Variants in DCLK2 observed in about 807,000 individuals in gnomAD.
DCLK2 encodes the protein doublecortin like kinase 2.
DCLK2 carries 31 observed loss-of-function variants against 78.4 expected under a neutral mutation model. That is an observed-to-expected ratio of 0.40 (90% confidence interval 0.30 to 0.53). The LOEUF is 0.53. Among genes scored for constraint, DCLK2 ranks in the 20% least tolerant of loss-of-function variants. The pLI, the probability that DCLK2 is intolerant of heterozygous loss-of-function variation, is 0.61. For missense variants in DCLK2, 872 were observed against 973.7 expected (o/e 0.90, Z 1.39); for synonymous variants, 407 against 374.9 (o/e 1.09, Z -0.99).
chr4:150,098,828 T>A (rs1730666131), intron 1 of DCLK2, among the ~76,000 whole-genome samples: 1 of 151,862 alleles, frequency 6.6e-6, no homozygotes, highest in African/African-American at 2.4e-5. Flanking sequence ...ACTGAGTAGC[T>A]GGGATTACAG....
intron 2 of DCLK2, among the ~76,000 whole-genome samples, chr4:150,189,242 C>A (rs371340674): frequency 9.9e-5 from 15 of 151,224 alleles, no homozygotes; most frequent in Admixed American, 6.6e-5. Context: ...TTTATTTGGC[C>A]AAAAAAAATA....
chr4:150,191,227 T>C (rs6535719), intron 2 of DCLK2, among the ~76,000 whole-genome samples: 133,352 of 151,968 alleles, frequency 0.88, 58,888 homozygotes, highest in Middle Eastern at 0.96. Context: ...AAGACAGGGT[T>C]GGGGGTCAGT....
intron 2 of DCLK2, among the ~76,000 whole-genome samples, chr4:150,133,097 C>T (rs1733442200): frequency 6.6e-6 from 1 of 152,162 alleles, no homozygotes; most frequent in Non-Finnish European, 1.5e-5. Context: ...CCATAAGGTC[C>T]ATCAGAAACT....
chr4:150,209,930 C>G (rs1316231199), intron 5 of DCLK2, among the ~76,000 whole-genome samples: 1 of 152,164 alleles, frequency 6.6e-6, no homozygotes, highest in Non-Finnish European at 1.5e-5. Context: ...CAAAAATTAG[C>G]CAGGCGTGGT....
At chr4:150,191,336 T>C (rs1463091434) in intron 2 of DCLK2, among the ~76,000 whole-genome samples, 1 of 151,854 alleles carries the variant, frequency 6.6e-6, no homozygotes, top group African/African-American at 2.4e-5. Context: ...AGAGACAGTA[T>C]ACCGATACCC....
intron 2 of DCLK2, among the ~76,000 whole-genome samples, chr4:150,115,964 C>A (rs1732055487): frequency 6.6e-6 from 1 of 152,094 alleles, no homozygotes; most frequent in African/African-American, 2.4e-5. Context: ...CTGCTGAAAT[C>A]TTTTCAAAGG....
chr4:150,172,008 G>A (rs944760975), intron 2 of DCLK2, among the ~76,000 whole-genome samples: 8 of 152,124 alleles, frequency 5.3e-5, no homozygotes, highest in Non-Finnish European at 7.3e-5. Flanking sequence ...TCTCATCTGC[G>A]TGTCTCTTAT....
At position 150,203,743 on chromosome 4, in the gene DCLK2, G is replaced by C. The variant is rs373050578; in HGVS notation, c.962-52G>C. ...GCACCTAGTGTATTTATACAGTCTG[G>C]TTGTTGTGGGTTTTAATGGGACTTC... On this transcript the variant is annotated intron_variant, in intron 4 of 15. Transcript: ENST00000296550. 1,172 of 1,441,334 alleles carry C rather than the reference G, an allele frequency of 8.1e-4. 1 individual carries two copies. Among genetic ancestry groups the C allele is most frequent in the Non-Finnish European group, 1.1e-3 (1,111 of 1,023,622 alleles). 89.3% of individuals were successfully genotyped at this position (1,441,334 alleles called of 1,614,324 possible).
At chr4:150,208,234 G>A (rs1420517289) in intron 5 of DCLK2, among the ~76,000 whole-genome samples, 1 of 152,108 alleles carries the variant, frequency 6.6e-6, no homozygotes, top group African/African-American at 2.4e-5. Context: ...CCAAAAGAGG[G>A]GCTAAGCAGT....
At chr4:150,124,051 T>C (rs1732757510) in intron 2 of DCLK2, among the ~76,000 whole-genome samples, 1 of 151,928 alleles carries the variant, frequency 6.6e-6, no homozygotes, top group African/African-American at 2.4e-5. Context: ...ATACTTTTGG[T>C]TTTAAATAAA....
chr4:150,091,407 T>C (rs115668093), intron 1 of DCLK2, among the ~76,000 whole-genome samples: 252 of 152,338 alleles, frequency 1.7e-3, no homozygotes, highest in African/African-American at 5.9e-3. Flanking sequence ...TCTTCCTTTT[T>C]CTGTGTTACC....
intron 2 of DCLK2, among the ~76,000 whole-genome samples, chr4:150,156,451 A>G (rs1303913042): frequency 6.6e-6 from 1 of 151,786 alleles, no homozygotes; most frequent in Non-Finnish European, 1.5e-5. Context: ...GTTAAAAACC[A>G]GATGGGGCAA....
intron 15 of DCLK2, among the ~76,000 whole-genome samples, chr4:150,250,548 C>T (rs1048987896): frequency 6.6e-6 from 1 of 151,894 alleles, no homozygotes; most frequent in African/African-American, 2.4e-5. Flanking sequence ...AGTGGCCTTT[C>T]CCAGAGCTGG....
At chr4:150,240,572 C>T in intron 12 of DCLK2, 96 bp downstream of exon 12, 1 of 479,166 alleles carries the variant, frequency 2.1e-6, no homozygotes, top group South Asian at 3.4e-5. Flanking sequence ...ACTGTTTGGT[C>T]ATTAAAAATG....
chr4:150,082,074 T>G (rs1285462920), intron 1 of DCLK2, among the ~76,000 whole-genome samples: 1 of 151,932 alleles, frequency 6.6e-6, no homozygotes, highest in Non-Finnish European at 1.5e-5. Context: ...AGAATGTAAG[T>G]AGTTTCAACT....
At chr4:150,167,191 A>T (rs533558217) in intron 2 of DCLK2, among the ~76,000 whole-genome samples, 5 of 152,176 alleles carry the variant, frequency 3.3e-5, no homozygotes. Flanking sequence ...AATTGGAAGG[A>T]GGAGAGAGAA....
At chr4:150,083,454 A>G (rs1010640090) in intron 1 of DCLK2, among the ~76,000 whole-genome samples, 4 of 152,342 alleles carry the variant, frequency 2.6e-5, no homozygotes, top group Admixed American at 2.0e-4. Flanking sequence ...AATCAAGCCC[A>G]TGAAGTTTGA....
At position 150,189,344 on chromosome 4, in the gene DCLK2, T is replaced by C. The variant is rs547191763; in HGVS notation, c.757-3794T>C. 4.6e-5 allele frequency among the ~76,000 whole-genome samples: 7 copies of C among 152,304 alleles called. No individual in the cohort carries two copies. The South Asian group carries it at 1.4e-3, about 32-fold the overall frequency. On this transcript the variant is annotated intron_variant, in intron 2 of 15. Transcript: ENST00000296550. ...GAAATATAAGGTAGACATAACTGAC[T>C]ATAAAACAAGACATTAATGACTACA...
At chr4:150,223,991 T>G (rs1005742574) in intron 7 of DCLK2, among the ~76,000 whole-genome samples, 2 of 152,088 alleles carry the variant, frequency 1.3e-5, no homozygotes, top group Non-Finnish European at 2.9e-5. Context: ...TTAATTTGGT[T>G]TTTTAAAACT....
Sources: gnomAD v4.1 joint callset for allele counts (sites outside exome capture counted in the v4.1 genomes callset) on GRCh38, gnomAD v4.1.1 for gene constraint, MANE v1.5 for transcripts, NCBI Gene and HGNC (gene_info 2026-07-23, HGNC 2026-07-21) for gene names.